Variants in PHF21B observed in about 807,000 individuals in gnomAD.
The protein encoded by PHF21B is PHD finger protein 21B, also known as PHD finger protein 4.
A neutral mutation model predicts 62.2 loss-of-function variants in PHF21B; 22 were observed. The observed-to-expected ratio is 0.35, with a 90% CI of 0.25 to 0.51. The LOEUF is 0.51. Among genes scored for constraint, PHF21B ranks in the 20% least tolerant of loss-of-function variants. The probability of loss-of-function intolerance (pLI) is 0.97; values close to 1 mark genes in which losing one functional copy is unlikely to be tolerated. For missense variants in PHF21B, 701 were observed against 707.9 expected (o/e 0.99, Z 0.11); for synonymous variants, 341 against 314.7 (o/e 1.08, Z -0.88).
At chr22:44,977,551 C>T (rs945489177) in intron 2 of PHF21B, among the ~76,000 whole-genome samples, 4 of 149,922 alleles carry the variant, frequency 2.7e-5, no homozygotes, top group African/African-American at 4.9e-5. Flanking sequence ...GGTGACAGAG[C>T]GAGACTGTGT....
intron 2 of PHF21B, among the ~76,000 whole-genome samples, chr22:44,992,706 G>A (rs1004307959): frequency 2.6e-5 from 4 of 152,182 alleles, no homozygotes; most frequent in Admixed American, 6.5e-5. Context: ...ACTGAACAGC[G>A]TGTAAAGCAC....
At chr22:44,996,841 C>G (rs966569653) in intron 2 of PHF21B, among the ~76,000 whole-genome samples, 4 of 151,776 alleles carry the variant, frequency 2.6e-5, no homozygotes, top group South Asian at 2.1e-4. Flanking sequence ...TGGGCACACA[C>G]GAACACATGC....
At chr22:44,956,360 C>T (rs1452625567) in intron 2 of PHF21B, among the ~76,000 whole-genome samples, 16 of 152,166 alleles carry the variant, frequency 1.1e-4, no homozygotes, top group Non-Finnish European at 5.9e-5. Context: ...CTTACCCTGA[C>T]GAGTGTATCT....
intron 2 of PHF21B, among the ~76,000 whole-genome samples, chr22:44,993,286 A>C (rs1189170097): frequency 3.3e-5 from 5 of 152,108 alleles, no homozygotes; most frequent in African/African-American, 1.2e-4. Context: ...CTTCAGATAT[A>C]AGCCCTCAGG....
intron 2 of PHF21B, among the ~76,000 whole-genome samples, chr22:44,993,793 C>T (rs989673009): frequency 2.3e-4 from 35 of 152,330 alleles, no homozygotes; most frequent in African/African-American, 7.9e-4. Context: ...GCAATCTTTC[C>T]TCGCCACTGG....
At chr22:44,992,073 C>T (rs941538476) in intron 2 of PHF21B, among the ~76,000 whole-genome samples, 4 of 152,180 alleles carry the variant, frequency 2.6e-5, no homozygotes, top group Non-Finnish European at 4.4e-5. Flanking sequence ...ATGTAAGTGA[C>T]GGGGAGTGCA....
intron 2 of PHF21B, among the ~76,000 whole-genome samples, chr22:44,972,957 C>G (rs1363254223): frequency 6.6e-6 from 1 of 152,164 alleles, no homozygotes. Context: ...GGAGGCACAC[C>G]CTCCCCGCCA....
rs1432254538 is a variant in PHF21B, at chr22:44,939,717, C to T, written c.121-19227G>A. 3.9e-5 allele frequency among the ~76,000 whole-genome samples: 6 copies of T among 151,926 alleles called. No individual in the cohort carries two copies. In the South Asian group the frequency reaches 6.3e-4, roughly 16 times the overall value. Reference sequence around the variant, plus strand: ...GGGTGGGAGCAGGGCTAGGGAGGGGCGAAGGGATAGGGCCGAAGGCAGCAA... The same window carrying T: ...GGGTGGGAGCAGGGCTAGGGAGGGGTGAAGGGATAGGGCCGAAGGCAGCAA... On this transcript the variant is annotated intron_variant, in intron 2 of 12. Transcript: ENST00000313237.
chr22:44,906,017 T>C (rs1423202066), intron 5 of PHF21B, among the ~76,000 whole-genome samples: 1 of 152,196 alleles, frequency 6.6e-6, no homozygotes, highest in Non-Finnish European at 1.5e-5. Flanking sequence ...CAGAGAAGCC[T>C]GGTCAACTTG....
intron 2 of PHF21B, among the ~76,000 whole-genome samples, chr22:45,007,113 G>A (rs2147548874): frequency 6.8e-6 from 1 of 147,926 alleles, no homozygotes; most frequent in African/African-American, 2.5e-5. Flanking sequence ...CGGGGGGGCC[G>A]CGGCACCAAC....
At chr22:44,974,013 A>C (rs2072689414) in intron 2 of PHF21B, among the ~76,000 whole-genome samples, 1 of 151,990 alleles carries the variant, frequency 6.6e-6, no homozygotes, top group African/African-American at 2.4e-5. Flanking sequence ...CCAGGCTGAC[A>C]CTCCTCCTTG....
At chr22:44,945,609 A>C (rs1276808517) in intron 2 of PHF21B, among the ~76,000 whole-genome samples, 1 of 151,866 alleles carries the variant, frequency 6.6e-6, no homozygotes, top group Admixed American at 6.6e-5. Flanking sequence ...CAGGGCAATG[A>C]GTGCCTCCAG....
intron 6 of PHF21B, among the ~76,000 whole-genome samples, chr22:44,894,496 T>G (rs1028076138): frequency 6.6e-6 from 1 of 152,186 alleles, no homozygotes; most frequent in African/African-American, 2.4e-5. Context: ...ATGCTGCCTC[T>G]GTGGCACCGT....
chr22:44,980,556 G>A (rs928891793), intron 2 of PHF21B, among the ~76,000 whole-genome samples: 2 of 152,184 alleles, frequency 1.3e-5, no homozygotes, highest in Non-Finnish European at 2.9e-5. Context: ...GGAGCTGTGT[G>A]TGATAAAGAT....
At chr22:44,995,546 G>A (rs1487706454) in intron 2 of PHF21B, among the ~76,000 whole-genome samples, 1 of 152,106 alleles carries the variant, frequency 6.6e-6, no homozygotes, top group African/African-American at 2.4e-5. Flanking sequence ...CAGGAGTCTG[G>A]GGCTCACTCT....
chr22:44,996,232 G>A (rs1383579879), intron 2 of PHF21B, among the ~76,000 whole-genome samples: 9 of 152,092 alleles, frequency 5.9e-5, no homozygotes, highest in Non-Finnish European at 8.8e-5. Flanking sequence ...CCCTGCCGAG[G>A]CTGGGAACCT....
intron 2 of PHF21B, among the ~76,000 whole-genome samples, chr22:44,937,542 ACACC>A (rs2071874664): frequency 6.6e-6 from 1 of 152,336 alleles, no homozygotes; most frequent in African/African-American, 2.4e-5. Context: ...AACTAAACAC[ACACC>A]TGTGCTCTCT....
At chr22:44,899,068 T>C (rs1265841229) in intron 5 of PHF21B, among the ~76,000 whole-genome samples, 1 of 152,196 alleles carries the variant, frequency 6.6e-6, no homozygotes, top group Non-Finnish European at 1.5e-5. Flanking sequence ...CCGGGAGGAT[T>C]AGAATATCCC....
At chr22:44,910,753 G>A (rs954381403) in intron 5 of PHF21B, among the ~76,000 whole-genome samples, 4 of 152,184 alleles carry the variant, frequency 2.6e-5, no homozygotes, top group Non-Finnish European at 5.9e-5. Flanking sequence ...TATCAGCAGT[G>A]TAAAATGGAC....
Sources: allele counts gnomAD v4.1 joint callset (sites outside exome capture counted in the v4.1 genomes callset), GRCh38; gene constraint gnomAD v4.1.1; transcripts MANE v1.5; gene names NCBI Gene and HGNC (gene_info 2026-07-23, HGNC 2026-07-21).